Variants in GRIN3A observed in about 807,000 individuals in gnomAD.
GRIN3A encodes the protein glutamate receptor ionotropic, NMDA 3A.
A neutral mutation model predicts 92.4 loss-of-function variants in GRIN3A; 47 were observed. That is an observed-to-expected ratio of 0.51 (90% confidence interval 0.40 to 0.65). The LOEUF is 0.65. Ranked by LOEUF, GRIN3A falls within the 30% of genes least tolerant of loss-of-function variation. GRIN3A has a pLI of 0.00. For missense variants in GRIN3A, 1,324 were observed against 1,393.1 expected, an observed-to-expected ratio of 0.95 and a Z score of 0.79; for synonymous variants, 527 against 540.6, an observed-to-expected ratio of 0.97 and a Z score of 0.35.
At chr9:101,733,411 C>A (rs928087635) in intron 1 of GRIN3A, among the ~76,000 whole-genome samples, 1 of 152,202 alleles carries the variant, frequency 6.6e-6, no homozygotes, top group Non-Finnish European at 1.5e-5. Context: ...TGTAAAAGAT[C>A]ACTGCTTTAA....
chr9:101,680,370 C>T (rs1391453643), intron 2 of GRIN3A, among the ~76,000 whole-genome samples: 1 of 152,042 alleles, frequency 6.6e-6, no homozygotes, highest in Non-Finnish European at 1.5e-5. Flanking sequence ...CTTCTCAATG[C>T]CTGGCACATA....
At position 101,594,883 on chromosome 9, in the gene GRIN3A, G is replaced by C. The variant is rs780508709; in HGVS notation, c.2767-15523C>G. 71 of 1,601,314 alleles carry C rather than the reference G, an allele frequency of 4.4e-5. 1 individual carries two copies. In the South Asian group the frequency reaches 7.8e-4, roughly 18 times the overall value. ...TTTTAATTTCATCATTGTCAAAGTG[G>C]GAGCACATCTCCGCCGGGTAACTGG... On this transcript the variant is annotated intron_variant, in intron 6 of 8. Coordinates refer to ENST00000361820, the MANE Select transcript of GRIN3A (RefSeq NM_133445.3).
At chr9:101,687,314 G>A (rs1454165522) in intron 1 of GRIN3A, 114 bp from the exon 2 acceptor site, 4 of 1,000,216 alleles carry the variant, frequency 4.0e-6, no homozygotes, top group African/African-American at 1.6e-5. Context: ...GTGATACATA[G>A]TTCTGGGATA....
chr9:101,589,312 T>C (rs1386131062), intron 6 of GRIN3A, among the ~76,000 whole-genome samples: 2 of 152,148 alleles, frequency 1.3e-5, no homozygotes, highest in Admixed American at 6.5e-5. Context: ...CTTTGAGATA[T>C]ACATTGCAAT....
Position 101,670,773 on chromosome 9 carries a change from T to C in GRIN3A, c.1639A>G (p.Met547Val), listed in dbSNP as rs746023967. 5.6e-6 allele frequency: 9 copies of C among 1,614,092 alleles called. No individual in the cohort carries two copies. In the South Asian group the frequency reaches 7.7e-5, roughly 14 times the overall value. The change falls in exon 3 of 9, where the codon ATG becomes GTG. Residue 547 changes from methionine to valine, a missense_variant. Transcript: ENST00000361820. ...TCCAATGTGGAAGAGTCATTAGTCATGGGGTCTAGACAGAGTTGGCCAGCA... is the reference window on the plus strand; with the variant it reads ...TCCAATGTGGAAGAGTCATTAGTCACGGGGTCTAGACAGAGTTGGCCAGCA... ...CPAGQLCLDP[M>V]TNDSSTLDSL...
intron 1 of GRIN3A, among the ~76,000 whole-genome samples, chr9:101,704,681 C>A (rs1434148416): frequency 1.3e-5 from 2 of 152,164 alleles, no homozygotes; most frequent in African/African-American, 4.8e-5. Flanking sequence ...ACTCTGCAAT[C>A]TTTCCAGAGG....
At chr9:101,634,553 C>T (rs1828759064) in intron 3 of GRIN3A, among the ~76,000 whole-genome samples, 1 of 151,586 alleles carries the variant, frequency 6.6e-6, no homozygotes, top group Non-Finnish European at 1.5e-5. Context: ...AGCTGTGATT[C>T]GGGGAGATTA....
At chr9:101,675,565 A>C (rs1004387885) in intron 2 of GRIN3A, among the ~76,000 whole-genome samples, 1 of 151,954 alleles carries the variant, frequency 6.6e-6, no homozygotes, top group Non-Finnish European at 1.5e-5. Flanking sequence ...AAGTAAGACC[A>C]CAATCTATGC....
chr9:101,586,503 A>G (rs966937192), intron 6 of GRIN3A, among the ~76,000 whole-genome samples: 7 of 152,108 alleles, frequency 4.6e-5, no homozygotes, highest in African/African-American at 7.2e-5. Context: ...AAGGGTGGAG[A>G]TGGACATTCT....
chr9:101,705,786 A>G (rs778459125), intron 1 of GRIN3A, among the ~76,000 whole-genome samples: 9 of 152,214 alleles, frequency 5.9e-5, no homozygotes, highest in Non-Finnish European at 1.0e-4. Context: ...ATGCATGTTT[A>G]TGGTGTGCCA....
At chr9:101,713,163 G>C (rs1829902493) in intron 1 of GRIN3A, among the ~76,000 whole-genome samples, 1 of 152,178 alleles carries the variant, frequency 6.6e-6, no homozygotes, top group Non-Finnish European at 1.5e-5. Context: ...GGGGCAGTCA[G>C]AATGACATTC....
intron 8 of GRIN3A, among the ~76,000 whole-genome samples, chr9:101,576,570 C>G (rs1256884651): frequency 6.6e-6 from 1 of 152,144 alleles, no homozygotes; most frequent in Non-Finnish European, 1.5e-5. Flanking sequence ...AGCTGGAAAA[C>G]AAATATTTTT....
intron 3 of GRIN3A, among the ~76,000 whole-genome samples, chr9:101,649,574 T>C (rs1035427478): frequency 1.3e-5 from 2 of 152,068 alleles, no homozygotes; most frequent in Admixed American, 6.6e-5. Flanking sequence ...AATGGTGTTA[T>C]GCTGGCTCGA....
chr9:101,591,337 A>G (rs930234639), intron 6 of GRIN3A, among the ~76,000 whole-genome samples: 75 of 152,222 alleles, frequency 4.9e-4, no homozygotes, highest in African/African-American at 1.7e-3. Flanking sequence ...ATTTGATGAC[A>G]TGGTTAAGAC....
chr9:101,590,714 G>C (rs1025767813), intron 6 of GRIN3A, among the ~76,000 whole-genome samples: 12 of 152,164 alleles, frequency 7.9e-5, no homozygotes, highest in Admixed American at 3.3e-4. Context: ...GCCTCCTCCT[G>C]TTCAAAGTAT....
intron 6 of GRIN3A, among the ~76,000 whole-genome samples, chr9:101,598,904 A>T (rs190584993): frequency 6.6e-6 from 1 of 152,246 alleles, no homozygotes; most frequent in East Asian, 1.9e-4. Flanking sequence ...CCCATCAGGC[A>T]CTCTTATGGA....
chr9:101,602,351 T>C (rs972274929), intron 6 of GRIN3A, among the ~76,000 whole-genome samples: 2 of 152,194 alleles, frequency 1.3e-5, no homozygotes, highest in African/African-American at 4.8e-5. Flanking sequence ...TAGATGGCAA[T>C]CTTCACACAT....
chr9:101,620,270 A>G (rs1428350127), intron 5 of GRIN3A, among the ~76,000 whole-genome samples: 1 of 152,188 alleles, frequency 6.6e-6, no homozygotes, highest in Admixed American at 6.5e-5. Flanking sequence ...AGATGGTGCC[A>G]TGTAGCTAGG....
At chr9:101,707,751 T>C (rs1328975788) in intron 1 of GRIN3A, among the ~76,000 whole-genome samples, 2 of 152,170 alleles carry the variant, frequency 1.3e-5, no homozygotes, top group African/African-American at 4.8e-5. Flanking sequence ...CAACCACAGT[T>C]AAGGAATTAG....
Sources: gnomAD v4.1 joint callset for allele counts (sites outside exome capture counted in the v4.1 genomes callset) on GRCh38, gnomAD v4.1.1 for gene constraint, MANE v1.5 for transcripts, NCBI Gene and HGNC (gene_info 2026-07-23, HGNC 2026-07-21) for gene names.